LSAMP: variants seen among roughly 807,000 people sequenced by gnomAD.
LSAMP encodes the protein limbic system-associated membrane protein.
A neutral mutation model predicts 38.6 loss-of-function variants in LSAMP; 7 were observed. That is an observed-to-expected ratio of 0.18 (90% confidence interval 0.10 to 0.34). The LOEUF is 0.34. Ranked by LOEUF, LSAMP falls within the 10% of genes least tolerant of loss-of-function variation. The pLI, the probability that LSAMP is intolerant of heterozygous loss-of-function variation, is 1.00. For synonymous variants in LSAMP, 154 were observed against 166.8 expected, an observed-to-expected ratio of 0.92 and a Z score of 0.59; for missense variants, 313 against 420.0, an observed-to-expected ratio of 0.75 and a Z score of 2.23.
intron 1 of LSAMP, among the ~76,000 whole-genome samples, chr3:116,141,259 T>C (rs1221441535): frequency 2.0e-5 from 3 of 151,920 alleles, no homozygotes; most frequent in African/African-American, 7.2e-5. Flanking sequence ...GTTCTCTGCA[T>C]TGCACCTCAT....
At chr3:116,226,060 A>C (rs891284233) in intron 1 of LSAMP, among the ~76,000 whole-genome samples, 1 of 152,138 alleles carries the variant, frequency 6.6e-6, no homozygotes, top group Non-Finnish European at 1.5e-5. Flanking sequence ...CCTCAGGTTA[A>C]AATTAGTGAT....
chr3:116,417,250 A>C (rs1459024551), intron 1 of LSAMP, among the ~76,000 whole-genome samples: 2 of 152,208 alleles, frequency 1.3e-5, no homozygotes, highest in South Asian at 2.1e-4. Context: ...ATTTCAAAGC[A>C]GAGGTAGCTG....
intron 3 of LSAMP, among the ~76,000 whole-genome samples, chr3:115,934,847 A>T (rs1460595402): frequency 6.6e-6 from 1 of 152,172 alleles, no homozygotes; most frequent in Non-Finnish European, 1.5e-5. Context: ...GGCATATTAC[A>T]TCTAGGAAAT....
At chr3:116,304,021 T>G (rs2047449084) in intron 1 of LSAMP, among the ~76,000 whole-genome samples, 1 of 152,090 alleles carries the variant, frequency 6.6e-6, no homozygotes, top group African/African-American at 2.4e-5. Flanking sequence ...AATAAATGAT[T>G]TTTACGTTAC....
At chr3:116,214,278 G>A (rs1398044137) in intron 1 of LSAMP, among the ~76,000 whole-genome samples, 2 of 152,098 alleles carry the variant, frequency 1.3e-5, no homozygotes, top group African/African-American at 2.4e-5. Flanking sequence ...CAGCTAATGT[G>A]TATATTAAGC....
intron 1 of LSAMP, among the ~76,000 whole-genome samples, chr3:116,115,782 A>G (rs1708728711): frequency 1.3e-5 from 2 of 150,124 alleles, no homozygotes; most frequent in East Asian, 1.9e-4. Flanking sequence ...CAGTATTGCT[A>G]TTGAGAAGTC....
intron 3 of LSAMP, among the ~76,000 whole-genome samples, chr3:115,905,672 C>T (rs910978145): frequency 6.6e-6 from 1 of 152,082 alleles, no homozygotes; most frequent in African/African-American, 2.4e-5. Context: ...TACTTGAGAA[C>T]ATGTGCTGTA....
At chr3:116,197,434 A>G (rs1453277508) in intron 1 of LSAMP, among the ~76,000 whole-genome samples, 1 of 152,216 alleles carries the variant, frequency 6.6e-6, no homozygotes, top group Non-Finnish European at 1.5e-5. Context: ...TTTACAAACT[A>G]GTTTGAAGTA....
At chr3:116,090,752 CA>C (rs1228462671) in intron 1 of LSAMP, among the ~76,000 whole-genome samples, 2 of 152,062 alleles carry the variant, frequency 1.3e-5, no homozygotes, top group East Asian at 3.9e-4. Context: ...CCACAAAAAC[CA>C]GCAAGTTTTT....
intron 2 of LSAMP, 45 bp downstream of exon 2, chr3:116,086,279 C>G (rs187823140): frequency 8.7e-4 from 1,235 of 1,422,240 alleles, no homozygotes; most frequent in Non-Finnish European, 1.1e-3. Flanking sequence ...TATTCTGCAA[C>G]TCCCACCTCT....
At chr3:116,065,080 C>T (rs1237863612) in intron 2 of LSAMP, among the ~76,000 whole-genome samples, 5 of 152,136 alleles carry the variant, frequency 3.3e-5, no homozygotes, top group Non-Finnish European at 7.3e-5. Context: ...TTAACAGTAG[C>T]CACTTTGTCA....
At chr3:116,366,744 A>G (rs7614492) in intron 1 of LSAMP, among the ~76,000 whole-genome samples, 2,696 of 152,296 alleles carry the variant, frequency 0.018, 78 homozygotes, top group African/African-American at 0.061. Context: ...AAGGGTCGTC[A>G]TCCTCTCTGC....
At chr3:116,026,958 G>A (rs1940805608) in intron 2 of LSAMP, among the ~76,000 whole-genome samples, 2 of 152,156 alleles carry the variant, frequency 1.3e-5, no homozygotes, top group South Asian at 4.1e-4. Flanking sequence ...TTAATCCCAG[G>A]AGAAGGATGG....
intron 1 of LSAMP, among the ~76,000 whole-genome samples, chr3:116,252,178 G>A (rs981549219): frequency 6.6e-6 from 1 of 152,276 alleles, no homozygotes; most frequent in Non-Finnish European, 1.5e-5. Flanking sequence ...TATGCCACAT[G>A]TGTGCCAATG....
At chr3:115,998,268 T>G (rs1576294683) in intron 3 of LSAMP, among the ~76,000 whole-genome samples, 2 of 151,262 alleles carry the variant, frequency 1.3e-5, no homozygotes, top group Non-Finnish European at 1.5e-5. Context: ...CACTGGGGGG[T>G]TTTAACTGGG....
intron 1 of LSAMP, among the ~76,000 whole-genome samples, chr3:116,302,203 T>C (rs2047419519): frequency 6.6e-6 from 1 of 152,226 alleles, no homozygotes; most frequent in South Asian, 2.1e-4. Context: ...GTTCAGTTTA[T>C]TTATTGCAGT....
At chr3:116,427,109 CTTTTTTTTTTT>C (rs758726064) in intron 1 of LSAMP, among the ~76,000 whole-genome samples, 1 of 95,396 alleles carries the variant, frequency 1.0e-5, no homozygotes, top group Admixed American at 1.2e-4. Flanking sequence ...CTCTTTCTTT[CTTTTTTTTTTT>C]TTTTTTTTTT....
chr3:116,277,678 C>CTTAT (rs1223817384), intron 1 of LSAMP, among the ~76,000 whole-genome samples: 1 of 152,120 alleles, frequency 6.6e-6, no homozygotes, highest in African/African-American at 2.4e-5. Flanking sequence ...GCCTGCTCTT[C>CTTAT]TTATTTTTAT....
intron 1 of LSAMP, among the ~76,000 whole-genome samples, chr3:116,298,592 TA>T (rs1490147588): frequency 6.6e-6 from 1 of 152,228 alleles, no homozygotes. Context: ...ATGTAGTCAT[TA>T]ATCTGTGACA....
Sources: gnomAD v4.1 joint callset for allele counts (sites outside exome capture counted in the v4.1 genomes callset) on GRCh38, gnomAD v4.1.1 for gene constraint, MANE v1.5 for transcripts, NCBI Gene and HGNC (gene_info 2026-07-23, HGNC 2026-07-21) for gene names.